KCNK10: variants seen among roughly 807,000 people sequenced by gnomAD.
KCNK10 encodes the protein potassium two pore domain channel subfamily K member 10.
KCNK10 carries 25 observed loss-of-function variants against 47.7 expected under a neutral mutation model. The observed-to-expected ratio is 0.52, with a 90% CI of 0.38 to 0.73. The LOEUF (loss-of-function observed/expected upper bound fraction) is 0.73, where lower values mean the gene tolerates loss of function less well. KCNK10 is among the 30% of genes least tolerant of loss of function. The pLI, the probability that KCNK10 is intolerant of heterozygous loss-of-function variation, is 0.00. For synonymous variants in KCNK10, 303 were observed against 285.6 expected, an observed-to-expected ratio of 1.06 and a Z score of -0.61; for missense variants, 563 against 714.5, an observed-to-expected ratio of 0.79 and a Z score of 2.42.
At chr14:88,304,675 G>T (rs1008917563) in intron 1 of KCNK10, among the ~76,000 whole-genome samples, 1 of 152,136 alleles carries the variant, frequency 6.6e-6, no homozygotes, top group Non-Finnish European at 1.5e-5. Flanking sequence ...GTTAGTGTTT[G>T]CACTGTTTAA....
intron 2 of KCNK10, among the ~76,000 whole-genome samples, chr14:88,243,264 C>T (rs921584194): frequency 6.6e-6 from 1 of 152,230 alleles, no homozygotes; most frequent in South Asian, 2.1e-4. Flanking sequence ...CTTTCTACAA[C>T]TTGTGTGTGA....
rs1053312263 is a variant in KCNK10 at position 88,263,612 on chromosome 14, G to A, written c.53-61C>T. Reference sequence around the variant, plus strand: ...GTTTGTTTATAAATAAATACAAAACGTGTCAGAAACAAAGCACAGATGTCT... The same window carrying A: ...GTTTGTTTATAAATAAATACAAAACATGTCAGAAACAAAGCACAGATGTCT... On this transcript the variant is annotated intron_variant, in intron 1 of 6. Transcript: ENST00000319231. The A allele has an allele frequency of 6.3e-6, 9 of 1,424,842 alleles. No individual in the cohort carries two copies. In the East Asian group the frequency reaches 7.0e-5, roughly 11 times the overall value. The allele number at this position is 1,424,842 out of a possible 1,614,324, so 88.3% of individuals were successfully genotyped here. A position where few individuals can be genotyped will look rare whatever the true frequency, so the allele number is the denominator to read the frequency against.
rs183007037 is a variant in KCNK10 at position 88,210,618 on chromosome 14, C to T, written c.681+16757G>A. 3.2e-4 allele frequency among the ~76,000 whole-genome samples: 48 copies of T among 152,034 alleles called. No individual in the cohort carries two copies. The East Asian group carries it at 7.0e-3, about 22-fold the overall frequency. On this transcript the variant is annotated intron_variant, in intron 4 of 6. Transcript: ENST00000319231. Reference sequence around the variant, plus strand: ...GCTCTGCGCACAGGGCCCAAGCTGACGAGTAGGAAGGAAAGACTCACAGGG... The same window carrying T: ...GCTCTGCGCACAGGGCCCAAGCTGATGAGTAGGAAGGAAAGACTCACAGGG...
At chr14:88,269,031 G>A (rs576299491) in intron 1 of KCNK10, among the ~76,000 whole-genome samples, 3 of 152,276 alleles carry the variant, frequency 2.0e-5, no homozygotes, top group Admixed American at 6.5e-5. Flanking sequence ...CCAGCTACTC[G>A]GGAGGCTGAG....
chr14:88,272,811 T>G (rs11627314), intron 1 of KCNK10, among the ~76,000 whole-genome samples: 30,531 of 151,990 alleles, frequency 0.2, 3,936 homozygotes, highest in Non-Finnish European at 0.29. Context: ...TTATGAGGCC[T>G]CAACTCAGGC....
intron 4 of KCNK10, among the ~76,000 whole-genome samples, chr14:88,210,058 A>T (rs1209897348): frequency 1.3e-5 from 2 of 152,216 alleles, no homozygotes; most frequent in African/African-American, 2.4e-5. Flanking sequence ...AGTGTTCTAC[A>T]ATAATAGTGA....
intron 1 of KCNK10, among the ~76,000 whole-genome samples, chr14:88,264,324 G>A (rs1320981826): frequency 1.3e-5 from 2 of 152,228 alleles, no homozygotes; most frequent in Non-Finnish European, 2.9e-5. Flanking sequence ...TGACGCACAC[G>A]CAATGCTATC....
At chr14:88,187,632 C>G (rs918907272) in intron 6 of KCNK10, among the ~76,000 whole-genome samples, 4 of 150,450 alleles carry the variant, frequency 2.7e-5, no homozygotes, top group Admixed American at 1.3e-4. Flanking sequence ...TGCACCCCCC[C>G]ACACACACAC....
intron 1 of KCNK10, among the ~76,000 whole-genome samples, chr14:88,312,356 C>T (rs1293076097): frequency 3.3e-5 from 5 of 152,218 alleles, no homozygotes; most frequent in Admixed American, 6.5e-5. Context: ...GGAGTGCTAA[C>T]GGTCCTCCCT....
At chr14:88,229,478 T>C (rs1163757594) in intron 3 of KCNK10, among the ~76,000 whole-genome samples, 1 of 77,744 alleles carries the variant, frequency 1.3e-5, no homozygotes, top group Non-Finnish European at 2.5e-5. Context: ...ATGCAAAGTA[T>C]TATTATTATT....
chr14:88,284,751 C>A (rs1487967779), intron 1 of KCNK10, among the ~76,000 whole-genome samples: 1 of 152,176 alleles, frequency 6.6e-6, no homozygotes, highest in Non-Finnish European at 1.5e-5. Context: ...CTCCAGTCCA[C>A]TGGCTCAAAT....
At chr14:88,235,934 TG>T (rs1160790501) in intron 3 of KCNK10, among the ~76,000 whole-genome samples, 1 of 152,044 alleles carries the variant, frequency 6.6e-6, no homozygotes, top group Non-Finnish European at 1.5e-5. Flanking sequence ...CCTATAAAAG[TG>T]GGGAAAAAAA....
At position 88,263,535 on chromosome 14, in the gene KCNK10, T is replaced by C. The variant is rs1203689486; in HGVS notation, c.69A>G (p.Ala23=). Residue 23 remains alanine (A), a synonymous_variant, in exon 2 of 7, where the codon GCA becomes GCG. Coordinates refer to ENST00000319231, the MANE Select transcript of KCNK10 (RefSeq NM_138317.3). ...CGCTCTTGGGCTGGCACACCGGTGC[T>C]GCTGCGGGAACGGCCACTGAGGAGT... ...NWDPKVAVPA[A]APVCQPKSAT... is the part of the protein sequence containing the mutation. 6.2e-7 allele frequency: 1 copy of C among 1,611,472 alleles called. No homozygotes were observed. The highest frequency in any genetic ancestry group is 1.3e-5 in the African/African-American group (1 of 74,940).
chr14:88,236,719 T>C (rs1456788734), intron 3 of KCNK10, among the ~76,000 whole-genome samples: 1 of 152,254 alleles, frequency 6.6e-6, no homozygotes, highest in Non-Finnish European at 1.5e-5. Flanking sequence ...ATAAAAGTTA[T>C]GTTTACACTC....
intron 6 of KCNK10, among the ~76,000 whole-genome samples, chr14:88,187,028 T>C (rs1884585985): frequency 6.6e-6 from 1 of 152,226 alleles, no homozygotes; most frequent in Non-Finnish European, 1.5e-5. Context: ...TCAATATTCA[T>C]GTTGTTCCCT....
At chr14:88,294,328 A>G (rs1048487388) in intron 1 of KCNK10, among the ~76,000 whole-genome samples, 4 of 152,264 alleles carry the variant, frequency 2.6e-5, no homozygotes, top group African/African-American at 9.6e-5. Flanking sequence ...TCTGGAAGAC[A>G]GAGGAGGGTC....
chr14:88,192,447 G>A (rs368004527), intron 4 of KCNK10, 37 bp from the exon 5 acceptor site: 99 of 1,569,874 alleles, frequency 6.3e-5, no homozygotes, highest in Middle Eastern at 1.7e-4. Flanking sequence ...GCAAGTCAGC[G>A]GCATCACCCT....
chr14:88,209,937 T>G (rs956864747), intron 4 of KCNK10, among the ~76,000 whole-genome samples: 1 of 152,232 alleles, frequency 6.6e-6, no homozygotes, highest in Admixed American at 6.5e-5. Context: ...TTTAAGCCCC[T>G]ATGCTTTACT....
chr14:88,205,812 G>A (rs1489140520), intron 4 of KCNK10, among the ~76,000 whole-genome samples: 1 of 152,036 alleles, frequency 6.6e-6, no homozygotes, highest in Non-Finnish European at 1.5e-5. Flanking sequence ...AAAGTACTGG[G>A]ATTATAGGCA....
Sources: gnomAD v4.1 joint callset for allele counts (sites outside exome capture counted in the v4.1 genomes callset) on GRCh38, gnomAD v4.1.1 for gene constraint, MANE v1.5 for transcripts, NCBI Gene and HGNC (gene_info 2026-07-23, HGNC 2026-07-21) for gene names.